The following NTM variants were observed in gnomAD, a reference collection of about 807,000 sequenced individuals.
NTM encodes IgLON family member 2.
NTM carries 13 observed loss-of-function variants against 42.1 expected under a neutral mutation model. The ratio of observed to expected loss-of-function variants is 0.31; its 90% CI spans 0.20 to 0.49. NTM has a LOEUF of 0.49. Among genes scored for constraint, NTM ranks in the 20% least tolerant of loss-of-function variants. The pLI, the probability that NTM is intolerant of heterozygous loss-of-function variation, is 0.99. For synonymous variants in NTM, 187 were observed against 179.2 expected (o/e 1.04, Z -0.35); for missense variants, 373 against 452.8 (o/e 0.82, Z 1.60).
Position 131,993,088 on chromosome 11 carries a change from T to C in NTM, c.167+81440T>C, listed in dbSNP as rs141477655. ...TCAGTAAGTTATTCTAATGCCTAGATAGATTGGGAAACATTGTAAGAAATT... is the reference window on the plus strand; with the variant it reads ...TCAGTAAGTTATTCTAATGCCTAGACAGATTGGGAAACATTGTAAGAAATT... On this transcript the variant is annotated intron_variant, in intron 2 of 8. Coordinates refer to ENST00000683400, the MANE Select transcript of NTM (RefSeq NM_001352005.2). Among the ~76,000 whole-genome samples the C allele has an allele frequency of 5.3e-5, 8 of 152,228 alleles. No individual in the cohort carries two copies. In the East Asian group the frequency reaches 1.2e-3, roughly 22 times the overall value.
At position 132,070,353 on chromosome 11, in the gene NTM, G is replaced by A. The variant is rs113859785; in HGVS notation, c.168-75929G>A. ...TTTACACGTCACACAGCCAAAACAC[G>A]TCAAACTGACCATCACAGGTTAGTT... On this transcript the variant is annotated intron_variant, in intron 2 of 8. Transcript: ENST00000683400. Among the ~76,000 whole-genome samples, 203 of 138,090 alleles carry A rather than the reference G, an allele frequency of 1.5e-3. 11 individuals are homozygous for A. Among genetic ancestry groups the A allele is most frequent in the African/African-American group, 4.9e-3 (184 of 37,510 alleles). 90.6% of individuals were successfully genotyped at this position (138,090 alleles called of 152,430 possible).
chr11:131,933,472 C>G (rs748221277), intron 2 of NTM, among the ~76,000 whole-genome samples: 2 of 152,128 alleles, frequency 1.3e-5, no homozygotes, highest in African/African-American at 2.4e-5. Context: ...ATTCATTTAT[C>G]TAGGTTAAAG....
In NTM at chr11:131,986,026, C is replaced by T. The variant is rs146827118; in HGVS notation, c.167+74378C>T. 5.8e-3 allele frequency among the ~76,000 whole-genome samples: 881 copies of T among 152,254 alleles called. 8 individuals carry two copies. Among genetic ancestry groups the T allele is most frequent in the African/African-American group, 0.02 (825 of 41,544 alleles). ...TGAATCAGTATTCATAGTTATTTCC[C>T]CTCTGAATTGGAGAGCTTTGAAATC... On this transcript the variant is annotated intron_variant, in intron 2 of 8. Transcript: ENST00000683400.
intron 1 of NTM, among the ~76,000 whole-genome samples, chr11:131,523,295 G>A (rs750181992): frequency 2.0e-5 from 3 of 152,224 alleles, no homozygotes; most frequent in African/African-American, 4.8e-5. Flanking sequence ...GGTGGGTTTC[G>A]AGAATGGCTT....
chr11:132,310,814 G>T (rs2095258198), intron 6 of NTM, among the ~76,000 whole-genome samples: 1 of 152,142 alleles, frequency 6.6e-6, no homozygotes, highest in South Asian at 2.1e-4. Context: ...CGGGATATTT[G>T]TTGTGAGTCA....
At position 131,969,709 on chromosome 11, in the gene NTM, T is replaced by C. The variant is rs546634347; in HGVS notation, c.167+58061T>C. Among the ~76,000 whole-genome samples the C allele has an allele frequency of 4.5e-4, 69 of 152,364 alleles. 4 individuals carry two copies. In the South Asian group the frequency reaches 0.014, roughly 31 times the overall value. On this transcript the variant is annotated intron_variant, in intron 2 of 8. Coordinates refer to ENST00000683400, the MANE Select transcript of NTM (RefSeq NM_001352005.2). ...GTCTAATTTTGAGTACTGCACAGAA[T>C]AGCTATAAATTTTGACAATGATAAC...
intron 1 of NTM, among the ~76,000 whole-genome samples, chr11:131,378,552 G>T (rs1942259167): frequency 6.6e-6 from 1 of 152,164 alleles, no homozygotes; most frequent in African/African-American, 2.4e-5. Flanking sequence ...ATATATGCAT[G>T]CATTTATTTA....
At chr11:132,138,901 C>T (rs554605741) in intron 2 of NTM, among the ~76,000 whole-genome samples, 2 of 152,260 alleles carry the variant, frequency 1.3e-5, no homozygotes, top group South Asian at 2.1e-4. Flanking sequence ...CCAGAAATAA[C>T]GTGCTACCAG....
intron 2 of NTM, among the ~76,000 whole-genome samples, chr11:132,138,245 AGCAT>A (rs2068334424): frequency 6.6e-6 from 1 of 152,186 alleles, no homozygotes. Context: ...AAAAAGATAA[AGCAT>A]GGACATCCTG....
intron 3 of NTM, among the ~76,000 whole-genome samples, chr11:132,156,367 G>GT (rs2073194345): frequency 6.6e-6 from 1 of 152,110 alleles, no homozygotes; most frequent in Admixed American, 6.5e-5. Flanking sequence ...TTTTCACCCA[G>GT]TCGGTCCTAT....
intron 2 of NTM, among the ~76,000 whole-genome samples, chr11:132,141,255 C>G (rs1041010964): frequency 1.3e-5 from 2 of 151,902 alleles, no homozygotes; most frequent in East Asian, 1.9e-4. Flanking sequence ...CTCTCTCCCT[C>G]TCTCTCCCCC....
At chr11:132,293,641 C>T (rs941627996) in intron 4 of NTM, among the ~76,000 whole-genome samples, 9 of 151,878 alleles carry the variant, frequency 5.9e-5, no homozygotes, top group Non-Finnish European at 1.0e-4. Flanking sequence ...CAGATTCAGC[C>T]TGCAGCCTCT....
chr11:131,974,692 G>T (rs1057134759), intron 2 of NTM, among the ~76,000 whole-genome samples: 3 of 152,112 alleles, frequency 2.0e-5, no homozygotes, highest in Non-Finnish European at 4.4e-5. Flanking sequence ...TCACTAAAAT[G>T]CTCTTTGCCT....
chr11:131,639,825 G>A (rs535526180), intron 1 of NTM, among the ~76,000 whole-genome samples: 3 of 151,928 alleles, frequency 2.0e-5, no homozygotes, highest in Non-Finnish European at 2.9e-5. Context: ...GTGTGGTGGC[G>A]GGCGCCTGTA....
chr11:131,697,507 T>C (rs2135123124), intron 1 of NTM, among the ~76,000 whole-genome samples: 1 of 152,334 alleles, frequency 6.6e-6, no homozygotes, highest in Non-Finnish European at 1.5e-5. Context: ...TAGGCATGCG[T>C]TGGGTCTTCT....
At chr11:132,095,821 C>T (rs776230320) in intron 2 of NTM, among the ~76,000 whole-genome samples, 18 of 152,148 alleles carry the variant, frequency 1.2e-4, no homozygotes, top group Admixed American at 2.6e-4. Context: ...TCAAAACTGC[C>T]CAGAGCAGAT....
chr11:131,500,533 GTTAT>G (rs1354887045), intron 1 of NTM, among the ~76,000 whole-genome samples: 1 of 130,628 alleles, frequency 7.7e-6, no homozygotes, highest in Non-Finnish European at 1.6e-5. Context: ...AGACCCTATA[GTTAT>G]TTATTATATA....
chr11:131,465,398 C>A (rs987436014), intron 1 of NTM, among the ~76,000 whole-genome samples: 5 of 152,128 alleles, frequency 3.3e-5, no homozygotes, highest in African/African-American at 4.8e-5. Flanking sequence ...TGAGAAAAAT[C>A]CAGGTTTCTT....
At chr11:132,254,437 T>C (rs1289922077) in intron 4 of NTM, among the ~76,000 whole-genome samples, 2 of 151,898 alleles carry the variant, frequency 1.3e-5, no homozygotes, top group African/African-American at 4.8e-5. Flanking sequence ...TCCCCACGTC[T>C]CTGTACACAC....
Sources: gnomAD v4.1 joint callset for allele counts (sites outside exome capture counted in the v4.1 genomes callset) on GRCh38, gnomAD v4.1.1 for gene constraint, MANE v1.5 for transcripts, NCBI Gene and HGNC (gene_info 2026-07-23, HGNC 2026-07-21) for gene names.